Variants in SLC25A13 observed in about 807,000 individuals in gnomAD.
The protein encoded by SLC25A13 is solute carrier family 25 member 13.
In SLC25A13, 70 loss-of-function variants were observed where a neutral mutation model predicts 85.5. The observed-to-expected ratio is 0.82, with a 90% CI of 0.68 to 1.00. The LOEUF is 1.00. SLC25A13 is among the 50% of genes least tolerant of loss of function. The pLI, the probability that SLC25A13 is intolerant of heterozygous loss-of-function variation, is 0.00. For missense variants in SLC25A13, 765 were observed against 819.8 expected (o/e 0.93, Z 0.82); for synonymous variants, 259 against 288.7 (o/e 0.90, Z 1.04).
chr7:96,131,025 A>G (rs1429537673), intron 15 of SLC25A13, among the ~76,000 whole-genome samples: 2 of 152,178 alleles, frequency 1.3e-5, no homozygotes, highest in Admixed American at 1.3e-4. Context: ...GGTATCAAAA[A>G]TGTTTGGATC....
intron 5 of SLC25A13, among the ~76,000 whole-genome samples, chr7:96,205,673 G>A (rs6943325): frequency 0.33 from 50,472 of 151,906 alleles, 8,892 homozygotes; most frequent in East Asian, 0.59. Context: ...ATATCGAATT[G>A]ATTTACCACT....
At chr7:96,229,676 A>G (rs942974247) in intron 4 of SLC25A13, among the ~76,000 whole-genome samples, 2 of 151,788 alleles carry the variant, frequency 1.3e-5, no homozygotes, top group African/African-American at 4.8e-5. Flanking sequence ...ACAACTCTGG[A>G]CGGGAGGAAT....
intron 1 of SLC25A13, among the ~76,000 whole-genome samples, chr7:96,302,121 G>A (rs1484159136): frequency 6.6e-6 from 1 of 152,212 alleles, no homozygotes; most frequent in East Asian, 1.9e-4. Context: ...TTATAATTGT[G>A]TAAGTCATCA....
At chr7:96,221,191 G>T (rs921814941) in intron 4 of SLC25A13, among the ~76,000 whole-genome samples, 3 of 152,056 alleles carry the variant, frequency 2.0e-5, no homozygotes, top group Non-Finnish European at 2.9e-5. Context: ...CAATGAACTG[G>T]AACAGTTTCT....
intron 5 of SLC25A13, among the ~76,000 whole-genome samples, chr7:96,194,144 A>G (rs1472824180): frequency 1.3e-5 from 2 of 152,142 alleles, no homozygotes; most frequent in African/African-American, 2.4e-5. Context: ...GCAATTAAAA[A>G]GTAACACCAG....
At chr7:96,275,212 G>A (rs540702167) in intron 3 of SLC25A13, among the ~76,000 whole-genome samples, 19 of 151,936 alleles carry the variant, frequency 1.3e-4, no homozygotes, top group Admixed American at 2.6e-4. Flanking sequence ...TTAGAATGGC[G>A]ATCATTAAAA....
Position 96,189,815 on chromosome 7 carries a change from A to G in SLC25A13, c.755-141T>C, listed in dbSNP as rs551138599. The G allele has an allele frequency of 3.8e-6, 3 of 785,482 alleles. No homozygotes were observed. The African/African-American group carries it at 5.1e-5, about 13-fold the overall frequency. The allele number at this position is 785,482 out of a possible 1,614,324, so 48.7% of individuals were successfully genotyped here. ...TTGTAGAATTCAAGTCAATCCAAAT[A>G]AGGTAAGAATTTTTGCAGTTCTTGC... On this transcript the variant is annotated intron_variant, in intron 7 of 17. Coordinates refer to ENST00000265631, the MANE Select transcript of SLC25A13 (RefSeq NM_014251.3).
intron 5 of SLC25A13, among the ~76,000 whole-genome samples, chr7:96,199,784 T>C (rs958496490): frequency 2.0e-5 from 3 of 152,078 alleles, no homozygotes; most frequent in Admixed American, 6.6e-5. Context: ...AAAATCAAAC[T>C]CTTCAAAATT....
intron 3 of SLC25A13, among the ~76,000 whole-genome samples, chr7:96,244,899 C>A (rs1053067015): frequency 1.1e-4 from 16 of 152,180 alleles, no homozygotes; most frequent in African/African-American, 3.4e-4. Context: ...ATCGTTATCA[C>A]AAATTTGGCC....
At chr7:96,225,533 GAA>G (rs5885947) in intron 4 of SLC25A13, among the ~76,000 whole-genome samples, 8 of 132,424 alleles carry the variant, frequency 6.0e-5, no homozygotes, top group South Asian at 2.4e-4. Context: ...TGTTTCAAAA[GAA>G]AAAAAAAAAA....
At chr7:96,176,628 T>TG (rs1222470758) in intron 11 of SLC25A13, among the ~76,000 whole-genome samples, 2 of 152,158 alleles carry the variant, frequency 1.3e-5, no homozygotes, top group Non-Finnish European at 2.9e-5. Context: ...GCTGAAGGTG[T>TG]GGGGACCAAG....
At chr7:96,274,319 T>C (rs1267386687) in intron 3 of SLC25A13, among the ~76,000 whole-genome samples, 1 of 152,232 alleles carries the variant, frequency 6.6e-6, no homozygotes, top group African/African-American at 2.4e-5. Flanking sequence ...TTGAGAAGTG[T>C]CTGTTCATAT....
chr7:96,279,863 G>A (rs1584556301), intron 2 of SLC25A13, among the ~76,000 whole-genome samples: 1 of 151,996 alleles, frequency 6.6e-6, no homozygotes, highest in Non-Finnish European at 1.5e-5. Context: ...GTTGTCCCAC[G>A]AACACAAAGC....
intron 1 of SLC25A13, among the ~76,000 whole-genome samples, chr7:96,297,787 T>A (rs1467955090): frequency 6.6e-6 from 1 of 152,218 alleles, no homozygotes; most frequent in Non-Finnish European, 1.5e-5. Flanking sequence ...TTTTAATTAA[T>A]AAATCATAGG....
chr7:96,155,253 G>A (rs764635666), intron 13 of SLC25A13, among the ~76,000 whole-genome samples: 1 of 152,136 alleles, frequency 6.6e-6, no homozygotes, highest in East Asian at 1.9e-4. Context: ...TTCAGTGGCT[G>A]GTATGAGACT....
chr7:96,257,729 T>C (rs368566521), intron 3 of SLC25A13, among the ~76,000 whole-genome samples: 57 of 152,178 alleles, frequency 3.7e-4, no homozygotes, highest in African/African-American at 1.3e-3. Flanking sequence ...GCTAGCATCA[T>C]CCTAATACCA....
intron 15 of SLC25A13, among the ~76,000 whole-genome samples, chr7:96,128,939 G>GCTTGCTCGCTCTCTCTCT (rs1554336579): frequency 9.8e-5 from 8 of 81,850 alleles, no homozygotes; most frequent in African/African-American, 3.4e-4. Flanking sequence ...TGCCTTGCTT[G>GCTTGCTCGCTCTCTCTCT]CTCTCTCTCT....
chr7:96,133,106 G>C (rs75913950), intron 14 of SLC25A13, among the ~76,000 whole-genome samples: 14 of 152,288 alleles, frequency 9.2e-5, no homozygotes, highest in African/African-American at 3.4e-4. Context: ...TTGCATCCTA[G>C]TTTGGCTCAT....
chr7:96,226,032 A>C (rs1796317936), intron 4 of SLC25A13, among the ~76,000 whole-genome samples: 1 of 151,988 alleles, frequency 6.6e-6, no homozygotes, highest in Non-Finnish European at 1.5e-5. Context: ...GGTGGAAAAA[A>C]ACACTTAACA....
Sources: gnomAD v4.1 joint callset for allele counts (sites outside exome capture counted in the v4.1 genomes callset) on GRCh38, gnomAD v4.1.1 for gene constraint, MANE v1.5 for transcripts, NCBI Gene and HGNC (gene_info 2026-07-23, HGNC 2026-07-21) for gene names.